ARHGEF4: variants seen among roughly 807,000 people sequenced by gnomAD.
The protein encoded by ARHGEF4 is Rho guanine nucleotide exchange factor 4, also known as APC-stimulated guanine nucleotide exchange factor 1.
A neutral mutation model predicts 162.0 loss-of-function variants in ARHGEF4; 119 were observed. That is an observed-to-expected ratio of 0.73 (90% CI 0.63 to 0.86). ARHGEF4 has a LOEUF of 0.86. Ranked by LOEUF, ARHGEF4 falls within the 40% of genes least tolerant of loss-of-function variation. ARHGEF4 has a pLI of 0.00. For missense variants in ARHGEF4, 2,488 were observed against 2,456.0 expected, an observed-to-expected ratio of 1.01 and a Z score of -0.28; for synonymous variants, 1,014 against 979.9, an observed-to-expected ratio of 1.03 and a Z score of -0.65.
chr2:131,001,805 C>A (rs1451665620), intron 4 of ARHGEF4, among the ~76,000 whole-genome samples: 1 of 152,114 alleles, frequency 6.6e-6, no homozygotes, highest in Admixed American at 6.5e-5. Flanking sequence ...TAGTACATAA[C>A]AGTACACCTT....
intron 4 of ARHGEF4, among the ~76,000 whole-genome samples, chr2:130,994,801 C>G (rs980865745): frequency 6.6e-6 from 1 of 152,096 alleles, no homozygotes; most frequent in Non-Finnish European, 1.5e-5. Context: ...CTGAAAATGC[C>G]TTTTTAAATC....
At chr2:130,853,782 C>T (rs972748274) in intron 1 of ARHGEF4, among the ~76,000 whole-genome samples, 8 of 152,224 alleles carry the variant, frequency 5.3e-5, no homozygotes, top group African/African-American at 1.9e-4. Context: ...GGGAAAACCA[C>T]ACAAGCCCTG....
Position 130,921,745 on chromosome 2 carries a change from G to A in ARHGEF4, c.3552+4247G>A, listed in dbSNP as rs148451753. Among the ~76,000 whole-genome samples, 135 of 152,234 alleles carry A rather than the reference G, an allele frequency of 8.9e-4. 2 individuals carry two copies. The East Asian group carries it at 0.024, about 27-fold the overall frequency. ...CCCCCTCTGTCACCCAGGCTGGAGT[G>A]CAGTGGTGCGATCTCAGCTCACTGC... is the stretch of plus-strand genomic sequence containing the variant. On this transcript the variant is annotated intron_variant, in intron 2 of 13. Transcript: ENST00000409359.
At chr2:130,926,099 TC>T (rs2105089568) in intron 2 of ARHGEF4, among the ~76,000 whole-genome samples, 1 of 148,930 alleles carries the variant, frequency 6.7e-6, no homozygotes, top group South Asian at 2.1e-4. Flanking sequence ...TCTCTGTTGT[TC>T]AGATTGTATA....
At chr2:130,931,964 C>T (rs917646726) in intron 3 of ARHGEF4, among the ~76,000 whole-genome samples, 16 of 152,112 alleles carry the variant, frequency 1.1e-4, no homozygotes, top group Admixed American at 6.5e-5. Context: ...GTGAAGAATT[C>T]ATTGGCATTT....
At chr2:130,847,699 G>C (rs758089007) in intron 1 of ARHGEF4, among the ~76,000 whole-genome samples, 18 of 152,202 alleles carry the variant, frequency 1.2e-4, no homozygotes, top group Non-Finnish European at 2.4e-4. Flanking sequence ...GGTCCACCCA[G>C]GTCCCCTTTC....
chr2:130,917,537 G>A, intron 2 of ARHGEF4, 39 bp downstream of exon 2: 1 of 1,507,968 alleles, frequency 6.6e-7, no homozygotes, highest in Non-Finnish European at 8.9e-7. Flanking sequence ...CCTGACCTCT[G>A]CAGGCAAGAG....
chr2:130,957,179 A>G (rs1335048758), intron 4 of ARHGEF4, among the ~76,000 whole-genome samples: 2 of 152,000 alleles, frequency 1.3e-5, no homozygotes, highest in African/African-American at 4.8e-5. Context: ...AATAAAATAA[A>G]ATAAAAAGAC....
intron 10 of ARHGEF4, among the ~76,000 whole-genome samples, chr2:131,042,279 T>C (rs1345235778): frequency 5.9e-5 from 9 of 152,220 alleles, no homozygotes; most frequent in African/African-American, 2.2e-4. Context: ...CAGATCCCTG[T>C]TTTAGTTCAC....
At chr2:130,877,263 A>G (rs1678915338) in intron 1 of ARHGEF4, among the ~76,000 whole-genome samples, 1 of 152,210 alleles carries the variant, frequency 6.6e-6, no homozygotes, top group East Asian at 1.9e-4. Flanking sequence ...TTTAAAAAAA[A>G]TCATTTATTT....
intron 4 of ARHGEF4, among the ~76,000 whole-genome samples, chr2:130,958,397 C>CTT (rs200633303): frequency 2.8e-5 from 4 of 145,414 alleles, no homozygotes; most frequent in African/African-American, 1.0e-4. Flanking sequence ...GAGATGGAGT[C>CTT]TTTTTTTTTT....
chr2:130,884,585 C>T (rs1679395742), intron 1 of ARHGEF4, among the ~76,000 whole-genome samples: 1 of 152,090 alleles, frequency 6.6e-6, no homozygotes, highest in African/African-American at 2.4e-5. Flanking sequence ...ATTTTTAATA[C>T]TTTGAGGGCT....
intron 4 of ARHGEF4, among the ~76,000 whole-genome samples, chr2:130,992,871 G>A (rs1478785800): frequency 1.3e-5 from 2 of 152,210 alleles, no homozygotes; most frequent in African/African-American, 2.4e-5. Context: ...ATAACATGAG[G>A]CCAGGGATTC....
intron 4 of ARHGEF4, among the ~76,000 whole-genome samples, chr2:131,012,200 A>G (rs1041585191): frequency 3.3e-5 from 5 of 152,022 alleles, no homozygotes; most frequent in East Asian, 1.9e-4. Flanking sequence ...CAGAACAGCT[A>G]GAGACCCAGG....
intron 1 of ARHGEF4, among the ~76,000 whole-genome samples, chr2:130,841,255 G>A (rs1284476973): frequency 6.6e-6 from 1 of 152,000 alleles, no homozygotes; most frequent in African/African-American, 2.4e-5. Context: ...TAGTAGAGAT[G>A]GGATTTCGCT....
Position 130,915,131 on chromosome 2 carries a change from T to G in ARHGEF4, c.1185T>G (p.Ser395Arg), listed in dbSNP as rs533568533. The part of the protein sequence containing the change: ...QLSGPIPAFQ[S>R]GAPHLQGPCK... ...CTGGCCCGATTCCTGCTTTTCAGAG[T>G]GGGGCTCCCCATCTGCAGGGTCCCT... is the stretch of plus-strand genomic sequence containing the variant. Residue 395 changes from serine (S) to arginine (R), a missense_variant, in exon 2 of 14, where the codon AGT becomes AGG. Coordinates refer to ENST00000409359, the MANE Select transcript of ARHGEF4 (RefSeq NM_001367493.1). 1.5e-5 allele frequency: 24 copies of G among 1,550,466 alleles called. No homozygotes were observed. Among genetic ancestry groups the G allele is most frequent in the Non-Finnish European group, 2.0e-5 (23 of 1,146,960 alleles).
intron 5 of ARHGEF4, among the ~76,000 whole-genome samples, chr2:131,028,302 C>A (rs1371626874): frequency 6.6e-6 from 1 of 152,174 alleles, no homozygotes; most frequent in Non-Finnish European, 1.5e-5. Context: ...CCTCCTGAGG[C>A]CCACAGAGCA....
chr2:130,892,878 G>C (rs982536261), intron 1 of ARHGEF4, among the ~76,000 whole-genome samples: 2 of 152,208 alleles, frequency 1.3e-5, no homozygotes, highest in Admixed American at 6.5e-5. Context: ...TCCCACGCCT[G>C]GGGTCCACAA....
At chr2:131,029,898 G>GA (rs1162430209) in intron 5 of ARHGEF4, among the ~76,000 whole-genome samples, 1 of 152,182 alleles carries the variant, frequency 6.6e-6, no homozygotes, top group African/African-American at 2.4e-5. Flanking sequence ...CTCCATCTTG[G>GA]GGCTCGGTCC....
Sources: allele counts gnomAD v4.1 joint callset (sites outside exome capture counted in the v4.1 genomes callset), GRCh38; gene constraint gnomAD v4.1.1; transcripts MANE v1.5; gene names NCBI Gene and HGNC (gene_info 2026-07-23, HGNC 2026-07-21).